Variants in TRMT11 observed in about 807,000 individuals in gnomAD.
The protein encoded by TRMT11 is tRNA (guanine(10)-N(2))-methyltransferase TRMT11.
In TRMT11, 53 loss-of-function variants were observed where a neutral mutation model predicts 62.8. The observed-to-expected ratio is 0.84, with a 90% confidence interval of 0.68 to 1.06. TRMT11 has a LOEUF of 1.06. Among genes scored for constraint, TRMT11 ranks in the 50% least tolerant of loss-of-function variants. The pLI is 0.00. For synonymous variants in TRMT11, 188 were observed against 190.3 expected (o/e 0.99, Z 0.10); for missense variants, 556 against 553.4 (o/e 1.00, Z -0.05).
intron 9 of TRMT11, among the ~76,000 whole-genome samples, chr6:126,011,905 T>A (rs936134334): frequency 6.6e-6 from 1 of 152,188 alleles, no homozygotes; most frequent in South Asian, 2.1e-4. Context: ...AAATTTGGGG[T>A]TCTGTGGAAC....
At chr6:126,057,063 CTTTTT>C (rs1211234059) in intron 17 of TRMT11, among the ~76,000 whole-genome samples, 3 of 152,138 alleles carry the variant, frequency 2.0e-5, no homozygotes, top group Admixed American at 1.3e-4. Flanking sequence ...ATGTTTCTTC[CTTTTT>C]TAAGTGACAA....
At chr6:126,213,424 T>A in the TRMT11 span, among the ~76,000 whole-genome samples, 1 of 152,012 alleles carries the variant, frequency 6.6e-6, no homozygotes, top group East Asian at 1.9e-4. Flanking sequence ...CTTTCCTTTT[T>A]TTGGTGTTTG....
At chr6:126,233,922 C>T in the TRMT11 span, among the ~76,000 whole-genome samples, 1 of 152,164 alleles carries the variant, frequency 6.6e-6, no homozygotes, top group East Asian at 1.9e-4. Context: ...ACTTTCCATA[C>T]AATATTGTAA....
the TRMT11 span, among the ~76,000 whole-genome samples, chr6:126,246,107 C>G: frequency 6.6e-6 from 1 of 151,858 alleles, no homozygotes; most frequent in African/African-American, 2.4e-5. Flanking sequence ...ATGGTGAAAC[C>G]TCGTCTCTTA....
intron 17 of TRMT11, among the ~76,000 whole-genome samples, chr6:126,107,112 A>G (rs758722303): frequency 1.3e-5 from 2 of 152,166 alleles, no homozygotes; most frequent in African/African-American, 2.4e-5. Flanking sequence ...TTTTGGATAG[A>G]GAGCGTTGCT....
intron 21 of TRMT11, among the ~76,000 whole-genome samples, chr6:126,139,271 C>A (rs1424425216): frequency 1.3e-5 from 2 of 151,944 alleles, no homozygotes; most frequent in Non-Finnish European, 2.9e-5. Context: ...CTCCTTTGAT[C>A]ATTACCATGA....
chr6:126,154,814 C>G (rs534116004), intron 21 of TRMT11, among the ~76,000 whole-genome samples: 1 of 152,254 alleles, frequency 6.6e-6, no homozygotes, highest in South Asian at 2.1e-4. Flanking sequence ...CCTGGGCTTG[C>G]CTGGTCCAAG....
At chr6:126,077,975 G>C (rs909561954) in intron 17 of TRMT11, among the ~76,000 whole-genome samples, 6 of 152,144 alleles carry the variant, frequency 3.9e-5, no homozygotes, top group Non-Finnish European at 8.8e-5. Context: ...CACATCCTTA[G>C]TTTCAAGACA....
At chr6:126,022,927 A>G (rs1348433576) in intron 12 of TRMT11, among the ~76,000 whole-genome samples, 1 of 152,212 alleles carries the variant, frequency 6.6e-6, no homozygotes, top group African/African-American at 2.4e-5. Flanking sequence ...TTGGAGTGGA[A>G]TCTTTGTACT....
chr6:126,262,629 AT>A, the TRMT11 span, among the ~76,000 whole-genome samples: 1 of 152,150 alleles, frequency 6.6e-6, no homozygotes, highest in African/African-American at 2.4e-5. Context: ...CTTGTGTGAA[AT>A]TTTGGATACT....
chr6:126,006,220 A>G (rs1412979986), intron 7 of TRMT11, among the ~76,000 whole-genome samples: 3 of 151,888 alleles, frequency 2.0e-5, no homozygotes, highest in Non-Finnish European at 4.4e-5. Flanking sequence ...TCGGCCTGCT[A>G]ATTTAATTTA....
chr6:126,191,931 T>C (rs1778605955), intron 1 of TRMT11, among the ~76,000 whole-genome samples: 1 of 152,144 alleles, frequency 6.6e-6, no homozygotes, highest in African/African-American at 2.4e-5. Flanking sequence ...TTTGGATTCT[T>C]CTGTGGTTCT....
At chr6:126,118,253 C>G (rs1028325962) in intron 21 of TRMT11, among the ~76,000 whole-genome samples, 4 of 152,104 alleles carry the variant, frequency 2.6e-5, no homozygotes, top group African/African-American at 9.7e-5. Flanking sequence ...AAACCAGCAG[C>G]AGGCCCTCTC....
At chr6:126,080,811 AC>A (rs1034346692) in intron 17 of TRMT11, among the ~76,000 whole-genome samples, 4 of 151,882 alleles carry the variant, frequency 2.6e-5, no homozygotes, top group Admixed American at 6.6e-5. Flanking sequence ...TGGTCAGTTG[AC>A]CCCCCTGTAG....
intron 21 of TRMT11, among the ~76,000 whole-genome samples, chr6:126,145,831 TC>T (rs370041936): frequency 1.3e-5 from 2 of 152,324 alleles, no homozygotes; most frequent in African/African-American, 4.8e-5. Context: ...TTGTTTAAGC[TC>T]CTTTTTTATG....
At chr6:126,200,107 G>A (rs992915477) in intron 3 of TRMT11, among the ~76,000 whole-genome samples, 8 of 152,202 alleles carry the variant, frequency 5.3e-5, no homozygotes, top group African/African-American at 1.7e-4. Context: ...GGGGTCATGA[G>A]AGTATAAATG....
chr6:125,993,361 CA>C (rs1216733320), intron 1 of TRMT11, among the ~76,000 whole-genome samples: 1 of 152,168 alleles, frequency 6.6e-6, no homozygotes, highest in African/African-American at 2.4e-5. Flanking sequence ...TTAATGAATA[CA>C]TAGTGGTATG....
chr6:126,136,272 A>G (rs1427397177), intron 21 of TRMT11, among the ~76,000 whole-genome samples: 1 of 151,716 alleles, frequency 6.6e-6, no homozygotes, highest in Non-Finnish European at 1.5e-5. Context: ...AACTTTTAGA[A>G]CTGAAAATTT....
At chr6:126,197,368 A>T (rs1778678532) in intron 1 of TRMT11, among the ~76,000 whole-genome samples, 1 of 152,232 alleles carries the variant, frequency 6.6e-6, no homozygotes, top group South Asian at 2.1e-4. Flanking sequence ...GTTGAAACAA[A>T]TATAAGTGAA....
Sources: gnomAD v4.1 joint callset for allele counts (sites outside exome capture counted in the v4.1 genomes callset) on GRCh38, gnomAD v4.1.1 for gene constraint, MANE v1.5 for transcripts, NCBI Gene and HGNC (gene_info 2026-07-23, HGNC 2026-07-21) for gene names.